Variants in TMEM176A observed in about 807,000 individuals in gnomAD.
TMEM176A encodes hepatocellular carcinoma-associated antigen 112.
Under a neutral mutation model 27.9 loss-of-function variants are expected in TMEM176A, and 20 were observed. That is an observed-to-expected ratio of 0.72 (90% CI 0.50 to 1.04). The LOEUF (loss-of-function observed/expected upper bound fraction) is 1.04, where lower values mean the gene tolerates loss of function less well. Among genes scored for constraint, TMEM176A ranks in the 50% least tolerant of loss-of-function variants. The pLI, the probability that TMEM176A is intolerant of heterozygous loss-of-function variation, is 0.00. For synonymous variants in TMEM176A, 125 were observed against 118.0 expected, an observed-to-expected ratio of 1.06 and a Z score of -0.38; for missense variants, 252 against 289.1, an observed-to-expected ratio of 0.87 and a Z score of 0.93.
rs1321936302 is a variant in TMEM176A, at chr7:150,803,445, G to C, written c.331G>C (p.Gly111Arg). 18 of 1,596,038 alleles carry C rather than the reference G, an allele frequency of 1.1e-5. No individual in the cohort carries two copies. The highest frequency in any genetic ancestry group is 1.5e-5 in the Non-Finnish European group (18 of 1,172,012). Residue 111 changes from glycine to arginine, a missense_variant, in exon 4 of 7, where the codon GGT becomes CGT. Transcript: ENST00000004103. ...TGCCTTCATTTACGAGAAACGGGGT[G>C]GTACATACTGGGTAAGTTCAGGGAA... ...AAAFIYEKRG[G>R]TYWALLRTLL...
At position 150,803,624 on chromosome 7, in the gene TMEM176A, T is replaced by A. The variant is rs1798863272; in HGVS notation, c.347T>A (p.Leu116Gln). The A allele has an allele frequency of 1.2e-6, 2 of 1,614,038 alleles. No individual in the cohort carries two copies. Among genetic ancestry groups the A allele is most frequent in the South Asian group, 2.2e-5 (2 of 91,078 alleles). Residue 116 changes from leucine to glutamine, a missense_variant, in exon 5 of 7, where the codon CTG (leucine) becomes CAG (glutamine). Transcript: ENST00000004103. The stretch of plus-strand genomic sequence containing the variant: ...CTCTGCCTCCTCCCTCCCCAGGCCC[T>A]GCTGAGGACTCTGCTAACGCTGGCA... ...YEKRGGTYWA[L>Q]LRTLLTLAAF...
Position 150,803,700 on chromosome 7 carries a change from A to G in TMEM176A, c.423A>G (p.Arg141=). The G allele has an allele frequency of 6.2e-7, 1 of 1,614,184 alleles. No individual in the cohort carries two copies. Reference sequence around the variant, plus strand: ...TCAAACTTTGGAATGAAGATTTCCGATATGGCTACTCTTATTACAACAGTG... The same window carrying G: ...TCAAACTTTGGAATGAAGATTTCCGGTATGGCTACTCTTATTACAACAGTG... ...AALKLWNEDF[R]YGYSYYNSAC... is the part of the protein sequence containing the mutation. The change falls in exon 5 of 7, where the codon CGA becomes CGG. Residue 141 remains arginine (R), a synonymous_variant. Transcript: ENST00000004103.
In TMEM176A at chr7:150,803,734, A is replaced by G; in HGVS notation, c.457A>G (p.Ile153Val). Residue 153 changes from isoleucine to valine, a missense_variant, in exon 5 of 7, where the codon ATC becomes GTC. Physicochemically the swap from Ile to Val is conservative, Grantham distance 29. Coordinates refer to ENST00000004103, the MANE Select transcript of TMEM176A (RefSeq NM_018487.3). The stretch of plus-strand genomic sequence containing the variant: ...CTCTTATTACAACAGTGCCTGCCGC[A>G]TCTCCAGCTCGAGTGACTGGAACAC... The part of the protein sequence containing the change: ...GYSYYNSACR[I>V]SSSSDWNTPA... 1.9e-6 allele frequency: 3 copies of G among 1,614,212 alleles called. No homozygotes were observed. Among genetic ancestry groups the G allele is most frequent in the Non-Finnish European group, 1.7e-6 (2 of 1,180,040 alleles).
chr7:150,802,240 T>C lies in TMEM176A; in HGVS notation c.200T>C (p.Leu67Ser). Residue 67 changes from leucine (L) to serine (S), a missense_variant, in exon 3 of 7, where the codon TTG becomes TCG. Leu to Ser is a moderately radical substitution (Grantham distance 145, BLOSUM62 -2). Transcript: ENST00000004103. ...SWVMQIVLGI[L>S]SAVLGGFFYI... ...GTGATGCAGATCGTGCTGGGGATCT[T>C]GAGTGCAGTCCTAGGAGGATTTTTC... 1 of 1,613,964 alleles carries C rather than the reference T, an allele frequency of 6.2e-7. No individual in the cohort carries two copies. The highest frequency in any genetic ancestry group is 1.1e-5 in the South Asian group (1 of 91,070).
At chr7:150,801,403 T>A in intron 1 of TMEM176A, 133 bp from the exon 2 acceptor site, 1 of 834,586 alleles carries the variant, frequency 1.2e-6, no homozygotes, top group Non-Finnish European at 1.9e-6. Flanking sequence ...GGGCCAGGGG[T>A]GCGGCCCTGT....
At position 150,802,279 on chromosome 7, in the gene TMEM176A, A is replaced by G. The variant is rs759263187; in HGVS notation, c.239A>G (p.Tyr80Cys). 3 of 1,613,842 alleles carry G rather than the reference A, an allele frequency of 1.9e-6. No individual in the cohort carries two copies. In the African/African-American group the frequency reaches 4.0e-5, roughly 22 times the overall value. ...VLGGFFYIRDYTLLVTSGAAI... is the reference protein window; with the variant it reads ...VLGGFFYIRDCTLLVTSGAAI... The stretch of plus-strand genomic sequence containing the variant: ...GGAGGATTTTTCTACATCCGCGACT[A>G]CACCCTCCTCGTCACCTCGGGAGCT... The change falls in exon 3 of 7, where the codon TAC (tyrosine) becomes TGC (cysteine). Residue 80 changes from tyrosine (Y) to cysteine (C), a missense_variant. By Grantham distance (194) the Tyr-to-Cys change is radical. Transcript: ENST00000004103.
At chr7:150,801,073 G>C in intron 1 of TMEM176A, 1 of 856,502 alleles carries the variant, frequency 1.2e-6, no homozygotes, top group Non-Finnish European at 1.4e-6. Context: ...TGGAGCGGGA[G>C]GTCGGCGGTG....
chr7:150,801,035 G>A (rs1375640521), intron 1 of TMEM176A: 1 of 976,674 alleles, frequency 1.0e-6, no homozygotes, highest in African/African-American at 1.8e-5. Flanking sequence ...GGGGCGGCGT[G>A]AACCCGTCGG....
At position 150,801,588 on chromosome 7, in the gene TMEM176A, C is replaced by T. The variant is rs769852108; in HGVS notation, c.38C>T (p.Ala13Val). The change falls in exon 2 of 7, where the codon GCC becomes GTC. Residue 13 changes from alanine to valine, a missense_variant. Transcript: ENST00000004103. ...GACAGTGATGAGATGGCCCCGGAGGCCCCACAGCACACCCACATCGATGTG... is the reference window on the plus strand; with the variant it reads ...GACAGTGATGAGATGGCCCCGGAGGTCCCACAGCACACCCACATCGATGTG... ...TADSDEMAPEAPQHTHIDVHI... is the reference protein window; with the variant it reads ...TADSDEMAPEVPQHTHIDVHI... 19 of 1,612,078 alleles carry T rather than the reference C, an allele frequency of 1.2e-5. No individual in the cohort carries two copies. Among genetic ancestry groups the T allele is most frequent in the South Asian group, 4.4e-5 (4 of 90,926 alleles).
At chr7:150,801,352 A>T in intron 1 of TMEM176A, 184 bp from the exon 2 acceptor site, 1 of 485,982 alleles carries the variant, frequency 2.1e-6, no homozygotes. Flanking sequence ...CAGTTCCAGC[A>T]TGGTCAGCAC....
intron 3 of TMEM176A, 68 bp downstream of exon 3, chr7:150,802,393 C>A: frequency 7.3e-7 from 1 of 1,367,100 alleles, no homozygotes; most frequent in Non-Finnish European, 1.0e-6. Context: ...TGATTGCCTT[C>A]CTCCAACATG....
chr7:150,803,278 A>G, intron 3 of TMEM176A, 122 bp from the exon 4 acceptor site: 2 of 1,420,684 alleles, frequency 1.4e-6, no homozygotes, highest in South Asian at 3.4e-5. Flanking sequence ...TGGATAATAA[A>G]GCTTAGCATG....
In TMEM176A at chr7:150,802,981, G is replaced by T. The variant is rs530195038; in HGVS notation, c.286-419G>T. The T allele has an allele frequency of 1.7e-5, 17 of 990,888 alleles. No individual in the cohort carries two copies. In the African/African-American group the frequency reaches 3.0e-4, roughly 17 times the overall value. The allele number at this position is 990,888 out of a possible 1,614,324, so 61.4% of individuals were successfully genotyped here. A position where few individuals can be genotyped will look rare whatever the true frequency, so the allele number is the denominator to read the frequency against. ...CCTGTTCTTCAAGCCCAGCTGAGTG[G>T]ATTATTGGGCACTGTTAGGACAGGC... On this transcript the variant is annotated intron_variant, in intron 3 of 6. Coordinates refer to ENST00000004103, the MANE Select transcript of TMEM176A (RefSeq NM_018487.3).
intron 1 of TMEM176A, chr7:150,801,069 G>A: frequency 2.2e-6 from 2 of 897,870 alleles, no homozygotes; most frequent in South Asian, 5.1e-5. Context: ...TCGGTGGAGC[G>A]GGAGGTCGGC....
At position 150,803,740 on chromosome 7, in the gene TMEM176A, A is replaced by G; in HGVS notation, c.463A>G (p.Ser155Gly). ...TTACAACAGTGCCTGCCGCATCTCC[A>G]GCTCGAGTGACTGGAACACTCCAGC... ...SYYNSACRIS[S>G]SSDWNTPAPT... is the part of the protein sequence containing the mutation. The change falls in exon 5 of 7, where the codon AGC (serine) becomes GGC (glycine). Residue 155 changes from serine (S) to glycine (G), a missense_variant. Coordinates refer to ENST00000004103, the MANE Select transcript of TMEM176A (RefSeq NM_018487.3). 1 of 1,614,214 alleles carries G rather than the reference A, an allele frequency of 6.2e-7. No homozygotes were observed. The highest frequency in any genetic ancestry group is 8.5e-7 in the Non-Finnish European group (1 of 1,180,046).
Position 150,803,782 on chromosome 7 carries a change from G to A in TMEM176A, c.505G>A (p.Glu169Lys), listed in dbSNP as rs1297924333. Residue 169 changes from glutamate to lysine, a missense_variant, in exon 5 of 7, where the codon GAA becomes AAA. Physicochemically the swap from Glu to Lys is moderately conservative, Grantham distance 56. Coordinates refer to ENST00000004103, the MANE Select transcript of TMEM176A (RefSeq NM_018487.3). ...CACTCCAGCCCCCACTCAGAGTCCA[G>A]AAGAAGTCAGAAGGCTACACCTATG... Reference protein sequence around the residue: ...WNTPAPTQSPEEVRRLHLCTS... With the variant: ...WNTPAPTQSPKEVRRLHLCTS... 6.2e-7 allele frequency: 1 copy of A among 1,614,062 alleles called. No individual in the cohort carries two copies. Among genetic ancestry groups the A allele is most frequent in the Non-Finnish European group, 8.5e-7 (1 of 1,180,038 alleles).
At position 150,802,082 on chromosome 7, in the gene TMEM176A, T is replaced by A. The variant is rs1451429434; in HGVS notation, c.175-133T>A. 7.5e-6 allele frequency: 5 copies of A among 663,702 alleles called. No homozygotes were observed. In the East Asian group the frequency reaches 1.3e-4, roughly 18 times the overall value. The allele number at this position is 663,702 out of a possible 1,614,324, so 41.1% of individuals were successfully genotyped here. ...TCCTCCTCTTTCTTCTCCTTTTCTC[T>A]TCTCTTCTCTTCTCTTCTCTTCTTT... On this transcript the variant is annotated intron_variant, in intron 2 of 6. Transcript: ENST00000004103.
At chr7:150,804,527 A>G (rs764141738) in intron 6 of TMEM176A, 55 bp downstream of exon 6, 2 of 1,467,070 alleles carry the variant, frequency 1.4e-6, no homozygotes, top group Non-Finnish European at 1.9e-6. Context: ...TGCTCAAAGG[A>G]GACAGGAATG....
chr7:150,800,824 C>A lies in TMEM176A; in HGVS notation c.-20C>A, dbSNP rs1368905410. 9 of 697,208 alleles carry A rather than the reference C, an allele frequency of 1.3e-5. No individual in the cohort carries two copies. Among genetic ancestry groups the A allele is most frequent in the Non-Finnish European group, 1.4e-5 (8 of 567,324 alleles). 43.2% of individuals were successfully genotyped at this position (697,208 alleles called of 1,614,324 possible). A position where few individuals can be genotyped will look rare whatever the true frequency, so the allele number is the denominator to read the frequency against. On this transcript the variant is annotated 5_prime_UTR_variant, in exon 1 of 7. Transcript: ENST00000004103. Reference sequence around the variant, plus strand: ...CCGCCCGCTCGCAGGTCCCGAGGAGCGCAGGTGAGGCGGCACCCCACTCCC... The same window carrying A: ...CCGCCCGCTCGCAGGTCCCGAGGAGAGCAGGTGAGGCGGCACCCCACTCCC...
Sources: gnomAD v4.1 joint callset for allele counts on GRCh38, gnomAD v4.1.1 for gene constraint, MANE v1.5 for transcripts, NCBI Gene and HGNC (gene_info 2026-07-23, HGNC 2026-07-21) for gene names.